CPEB3: variants seen among roughly 807,000 people sequenced by gnomAD.
The protein encoded by CPEB3 is cytoplasmic polyadenylation element-binding protein 3.
Under a neutral mutation model 67.2 loss-of-function variants are expected in CPEB3, and 20 were observed. The ratio of observed to expected loss-of-function variants is 0.30; its 90% CI spans 0.21 to 0.43. The LOEUF is 0.43. Among genes scored for constraint, CPEB3 ranks in the 20% least tolerant of loss-of-function variants. CPEB3 has a pLI of 1.00. For missense variants in CPEB3, 746 were observed against 968.6 expected (o/e 0.77, Z 3.05); for synonymous variants, 376 against 393.1 (o/e 0.96, Z 0.51).
At chr10:92,269,781 C>G (rs1554939326) in intron 1 of CPEB3, among the ~76,000 whole-genome samples, 1 of 152,148 alleles carries the variant, frequency 6.6e-6, no homozygotes, top group Non-Finnish European at 1.5e-5. Flanking sequence ...TAGTCTTGAA[C>G]TCCTGACCTC....
chr10:92,223,928 T>C (rs1001744994), intron 2 of CPEB3, among the ~76,000 whole-genome samples: 36 of 152,218 alleles, frequency 2.4e-4, no homozygotes, highest in Non-Finnish European at 3.4e-4. Flanking sequence ...TTTGTATTTT[T>C]AGTAGAGACG....
intron 6 of CPEB3, among the ~76,000 whole-genome samples, chr10:92,114,879 T>G (rs1222011795): frequency 6.6e-6 from 1 of 152,236 alleles, no homozygotes; most frequent in East Asian, 1.9e-4. Context: ...TAGGAAGTCA[T>G]GTGAGTATTG....
Position 92,092,252 on chromosome 10 carries a change from T to A in CPEB3, c.1573-308A>T, listed in dbSNP as rs151097435. On this transcript the variant is annotated intron_variant, in intron 7 of 9. Transcript: ENST00000265997. ...TTAGAGACAGAGTCTGCATTTTGAATCAGATTCATCTTAACACATGATAGA... is the reference window on the plus strand; with the variant it reads ...TTAGAGACAGAGTCTGCATTTTGAAACAGATTCATCTTAACACATGATAGA... 2.0e-5 allele frequency among the ~76,000 whole-genome samples: 3 copies of A among 152,316 alleles called. No individual in the cohort carries two copies. The East Asian group carries it at 5.8e-4, about 29-fold the overall frequency.
Position 92,216,744 on chromosome 10 carries a change from C to T in CPEB3, c.1005+22602G>A, listed in dbSNP as rs931889826. ...AAGCCCCACGAGGAGTACCAGGAGG[C>T]TTACGACGAGTGCCTGGAGGAGGTG... On this transcript the variant is annotated intron_variant, in intron 2 of 9. Transcript: ENST00000265997. The T allele has an allele frequency of 8.7e-6, 14 of 1,609,390 alleles. No homozygotes were observed. The Admixed American group carries it at 2.3e-4, about 27-fold the overall frequency.
Position 92,215,242 on chromosome 10 carries a change from T to A in CPEB3, c.1006-22606A>T, listed in dbSNP as rs368078948. Among the ~76,000 whole-genome samples, 3 of 150,328 alleles carry A rather than the reference T, an allele frequency of 2.0e-5. No homozygotes were observed. In the South Asian group the frequency reaches 6.3e-4, roughly 32 times the overall value. Reference sequence around the variant, plus strand: ...ATCTCAGCTCACTGCAACTTCAACCTCCTGGGTTCAATCGATTCTCCTGCC... The same window carrying A: ...ATCTCAGCTCACTGCAACTTCAACCACCTGGGTTCAATCGATTCTCCTGCC... On this transcript the variant is annotated intron_variant, in intron 2 of 9. Transcript: ENST00000265997.
At chr10:92,185,393 G>A (rs1848640987) in intron 3 of CPEB3, among the ~76,000 whole-genome samples, 1 of 152,086 alleles carries the variant, frequency 6.6e-6, no homozygotes, top group South Asian at 2.1e-4. Context: ...AGAGGTTAGA[G>A]AATAGGGTTA....
At chr10:92,142,131 T>C (rs533027012) in intron 6 of CPEB3, among the ~76,000 whole-genome samples, 5 of 150,812 alleles carry the variant, frequency 3.3e-5, no homozygotes, top group South Asian at 2.1e-4. Context: ...GAAGTACAAC[T>C]GACAATGAAA....
At chr10:92,062,278 T>G (rs908418588) in intron 9 of CPEB3, among the ~76,000 whole-genome samples, 1 of 148,712 alleles carries the variant, frequency 6.7e-6, no homozygotes, top group Non-Finnish European at 1.5e-5. Context: ...CCAGGCATGG[T>G]GGCACACACC....
intron 9 of CPEB3, among the ~76,000 whole-genome samples, chr10:92,063,748 G>GC (rs1842445414): frequency 6.7e-6 from 1 of 148,248 alleles, no homozygotes; most frequent in African/African-American, 2.5e-5. Context: ...TGGTGACAGA[G>GC]CGAGACTCAG....
chr10:92,247,180 G>GT (rs1438210228), intron 1 of CPEB3, among the ~76,000 whole-genome samples: 5 of 151,960 alleles, frequency 3.3e-5, no homozygotes. Context: ...CTGAAATGTT[G>GT]TTTTTTTACT....
At chr10:92,200,227 C>T (rs537619653) in intron 2 of CPEB3, among the ~76,000 whole-genome samples, 1 of 152,086 alleles carries the variant, frequency 6.6e-6, no homozygotes, top group Non-Finnish European at 1.5e-5. Context: ...TTCTCAAGAA[C>T]CCTCAAAATA....
In CPEB3 at chr10:92,052,182, C is replaced by T. The variant is rs778425405; in HGVS notation, c.*30G>A. The T allele has an allele frequency of 2.0e-6, 3 of 1,512,460 alleles. No individual in the cohort carries two copies. In the South Asian group the frequency reaches 3.4e-5, roughly 17 times the overall value. 93.7% of individuals were successfully genotyped at this position (1,512,460 alleles called of 1,614,324 possible). On this transcript the variant is annotated 3_prime_UTR_variant, in exon 10 of 10. Transcript: ENST00000265997. ...CTCTTTTCCCTCCTTGTTATCTACT[C>T]CAGTACTTGTGGCTGGGTCGGCCCG...
chr10:92,272,919 C>A (rs190275461), intron 1 of CPEB3, among the ~76,000 whole-genome samples: 1 of 151,958 alleles, frequency 6.6e-6, no homozygotes, highest in Non-Finnish European at 1.5e-5. Flanking sequence ...CCAAATCAGT[C>A]GGAAAGAGGT....
intron 4 of CPEB3, among the ~76,000 whole-genome samples, chr10:92,156,297 T>C (rs1847206556): frequency 6.6e-6 from 1 of 151,788 alleles, no homozygotes; most frequent in South Asian, 2.1e-4. Flanking sequence ...GGAAAGCAAA[T>C]AGATTGGTCA....
chr10:92,142,958 G>T (rs1846508724), intron 6 of CPEB3, 71 bp downstream of exon 6: 1 of 1,048,402 alleles, frequency 9.5e-7, no homozygotes, highest in African/African-American at 1.6e-5. Context: ...AGAGTTAAAA[G>T]GCTGCCTTTT....
chr10:92,086,172 T>C (rs1393462987), intron 8 of CPEB3, among the ~76,000 whole-genome samples: 1 of 152,214 alleles, frequency 6.6e-6, no homozygotes, highest in Non-Finnish European at 1.5e-5. Flanking sequence ...ATATTTCTTC[T>C]CTTTGGAAAT....
intron 2 of CPEB3, among the ~76,000 whole-genome samples, chr10:92,223,567 CTTTTTTT>C (rs903904452): frequency 9.1e-4 from 77 of 84,198 alleles, no homozygotes; most frequent in East Asian, 1.9e-3. Context: ...CTAATTATTT[CTTTTTTT>C]TTTTTTTTTT....
At chr10:92,148,218 C>A (rs929489709) in intron 4 of CPEB3, among the ~76,000 whole-genome samples, 2 of 152,172 alleles carry the variant, frequency 1.3e-5, no homozygotes, top group African/African-American at 4.8e-5. Flanking sequence ...TCTGCACACC[C>A]CTTCTACGTC....
chr10:92,273,993 T>C (rs1841862031), intron 1 of CPEB3, among the ~76,000 whole-genome samples: 1 of 152,192 alleles, frequency 6.6e-6, no homozygotes, highest in Non-Finnish European at 1.5e-5. Flanking sequence ...AAATTAATCA[T>C]TGGTAGTCCT....
Sources: allele counts gnomAD v4.1 joint callset (sites outside exome capture counted in the v4.1 genomes callset), GRCh38; gene constraint gnomAD v4.1.1; transcripts MANE v1.5; gene names NCBI Gene and HGNC (gene_info 2026-07-23, HGNC 2026-07-21).